The following SMYD3 variants were observed in gnomAD, a reference collection of about 807,000 sequenced individuals.
SMYD3 encodes the protein SET and MYND domain containing 3.
In SMYD3, 36 loss-of-function variants were observed where a neutral mutation model predicts 57.7. That is an observed-to-expected ratio of 0.62 (90% CI 0.48 to 0.82). The LOEUF is 0.82. Among genes scored for constraint, SMYD3 ranks in the 40% least tolerant of loss-of-function variants. The pLI is 0.00. For missense variants in SMYD3, 515 were observed against 538.8 expected (o/e 0.96, Z 0.44); for synonymous variants, 211 against 195.0 (o/e 1.08, Z -0.68).
At position 246,471,252 on chromosome 1, in the gene SMYD3, G is replaced by A. The variant is rs535923221; in HGVS notation, c.164+35802C>T. 5.3e-5 allele frequency among the ~76,000 whole-genome samples: 8 copies of A among 152,168 alleles called. No individual in the cohort carries two copies. The East Asian group carries it at 1.5e-3, about 29-fold the overall frequency. On this transcript the variant is annotated intron_variant, in intron 1 of 11. Coordinates refer to ENST00000490107, the MANE Select transcript of SMYD3 (RefSeq NM_001167740.2). ...GTCTTGCTGTCCCCCAGGCTGAAGT[G>A]CGGCTGTATGATCATGGCTCACTGC...
At chr1:246,483,624 T>C (rs2068142739) in intron 1 of SMYD3, 1 of 152,232 alleles carries the variant, frequency 6.6e-6, no homozygotes, top group African/African-American at 2.4e-5. Context: ...GGGAAGGCTG[T>C]ATAATTATGT....
At chr1:246,449,953 G>T (rs2103028087) in intron 1 of SMYD3, among the ~76,000 whole-genome samples, 1 of 152,258 alleles carries the variant, frequency 6.6e-6, no homozygotes, top group South Asian at 2.1e-4. Flanking sequence ...ATACCGTTTT[G>T]ACTACTGTGA....
chr1:246,289,389 T>C lies in SMYD3; in HGVS notation c.531+37812A>G, dbSNP rs138649410. Among the ~76,000 whole-genome samples the C allele has an allele frequency of 6.5e-3, 985 of 152,346 alleles. 9 individuals carry two copies. The highest frequency in any genetic ancestry group is 0.021 in the African/African-American group (893 of 41,578). Reference sequence around the variant, plus strand: ...CTCTAAAAACTGTGGTTTTAGTGCATGCAGAACGTCACCAGTTTTGTCTCC... The same window carrying C: ...CTCTAAAAACTGTGGTTTTAGTGCACGCAGAACGTCACCAGTTTTGTCTCC... On this transcript the variant is annotated intron_variant, in intron 5 of 11. Coordinates refer to ENST00000490107, the MANE Select transcript of SMYD3 (RefSeq NM_001167740.2).
chr1:246,232,255 C>T (rs1366757076), intron 5 of SMYD3, among the ~76,000 whole-genome samples: 1 of 152,078 alleles, frequency 6.6e-6, no homozygotes, highest in East Asian at 1.9e-4. Flanking sequence ...AAGGCGACAC[C>T]AGGAGAATTA....
In SMYD3 at chr1:246,352,271, C is replaced by G. The variant is rs1424536429; in HGVS notation, c.228+2760G>C. 2.0e-5 allele frequency among the ~76,000 whole-genome samples: 3 copies of G among 152,100 alleles called. No homozygotes were observed. The East Asian group carries it at 5.8e-4, about 29-fold the overall frequency. On this transcript the variant is annotated intron_variant, in intron 2 of 11. Coordinates refer to ENST00000490107, the MANE Select transcript of SMYD3 (RefSeq NM_001167740.2). ...TAGCCTCTCTCAGACAACTTGATGCCATGGTCCCACACATCAAATGCTAAG... is the reference window on the plus strand; with the variant it reads ...TAGCCTCTCTCAGACAACTTGATGCGATGGTCCCACACATCAAATGCTAAG...
intron 5 of SMYD3, among the ~76,000 whole-genome samples, chr1:246,285,935 G>A (rs1362857470): frequency 2.0e-5 from 3 of 152,090 alleles, no homozygotes; most frequent in African/African-American, 7.2e-5. Flanking sequence ...AAATCACAAT[G>A]CAATACCACC....
intron 10 of SMYD3, among the ~76,000 whole-genome samples, chr1:245,765,907 C>A (rs1176685030): frequency 6.6e-6 from 1 of 152,112 alleles, no homozygotes; most frequent in Non-Finnish European, 1.5e-5. Context: ...AGTGATGAGG[C>A]GGATTTACCA....
chr1:245,927,490 T>C (rs1233441629), intron 7 of SMYD3, among the ~76,000 whole-genome samples: 2 of 152,226 alleles, frequency 1.3e-5, no homozygotes. Context: ...ACATGCATCA[T>C]TACCTTCAAT....
At chr1:245,977,616 T>C (rs917039617) in intron 5 of SMYD3, among the ~76,000 whole-genome samples, 6 of 152,036 alleles carry the variant, frequency 3.9e-5, no homozygotes, top group African/African-American at 1.5e-4. Context: ...GAGGTGGAGG[T>C]TGCAGTGAGC....
At chr1:246,506,830 G>A (rs1190635906) in intron 1 of SMYD3, among the ~76,000 whole-genome samples, 1 of 32,018 alleles carries the variant, frequency 3.1e-5, no homozygotes, top group East Asian at 1.0e-3. Context: ...GGCTGAGCCT[G>A]GGCCCCCTCC....
intron 10 of SMYD3, among the ~76,000 whole-genome samples, chr1:245,785,691 G>C (rs1364986728): frequency 6.6e-6 from 1 of 150,546 alleles, no homozygotes; most frequent in Non-Finnish European, 1.5e-5. Context: ...GCGAGCAAGA[G>C]AGAGAGCAAG....
At chr1:246,083,591 CCAA>C (rs1274822990) in intron 5 of SMYD3, among the ~76,000 whole-genome samples, 1 of 152,130 alleles carries the variant, frequency 6.6e-6, no homozygotes, top group African/African-American at 2.4e-5. Flanking sequence ...CTCGTTCCAC[CCAA>C]CAAGAAACGC....
chr1:246,411,597 T>C (rs2066970120), intron 1 of SMYD3, among the ~76,000 whole-genome samples: 1 of 151,998 alleles, frequency 6.6e-6, no homozygotes, highest in Non-Finnish European at 1.5e-5. Flanking sequence ...AATGATAGAC[T>C]GGATTAAGAA....
chr1:246,253,449 T>C (rs1352208675), intron 5 of SMYD3, among the ~76,000 whole-genome samples: 1 of 152,230 alleles, frequency 6.6e-6, no homozygotes. Flanking sequence ...GGACATGATT[T>C]TGTTCTTTCT....
chr1:246,171,806 T>A (rs1367604451), intron 5 of SMYD3, among the ~76,000 whole-genome samples: 3 of 151,996 alleles, frequency 2.0e-5, no homozygotes, highest in African/African-American at 7.2e-5. Flanking sequence ...AGGCCGGGAG[T>A]TTGAGACCAG....
intron 1 of SMYD3, among the ~76,000 whole-genome samples, chr1:246,498,783 A>G (rs1447588454): frequency 1.3e-5 from 2 of 151,854 alleles, no homozygotes; most frequent in Non-Finnish European, 2.9e-5. Context: ...CTTAAAAAGA[A>G]AAAATATAAG....
intron 5 of SMYD3, among the ~76,000 whole-genome samples, chr1:245,941,408 G>A (rs145051624): frequency 3.0e-4 from 45 of 152,164 alleles, no homozygotes; most frequent in African/African-American, 9.6e-4. Context: ...TGTTAAGGGC[G>A]GCCAGAGAGA....
intron 5 of SMYD3, among the ~76,000 whole-genome samples, chr1:246,210,637 G>T (rs2063070545): frequency 6.6e-6 from 1 of 151,836 alleles, no homozygotes; most frequent in Admixed American, 6.6e-5. Context: ...TTGAACCCGG[G>T]AAGCGGAGGT....
intron 5 of SMYD3, among the ~76,000 whole-genome samples, chr1:246,045,611 A>G (rs2059949918): frequency 6.6e-6 from 1 of 152,178 alleles, no homozygotes; most frequent in Non-Finnish European, 1.5e-5. Flanking sequence ...CAATGGCAAC[A>G]AAAGCCAAAA....
Sources: allele counts gnomAD v4.1 joint callset (sites outside exome capture counted in the v4.1 genomes callset), GRCh38; gene constraint gnomAD v4.1.1; transcripts MANE v1.5; gene names NCBI Gene and HGNC (gene_info 2026-07-23, HGNC 2026-07-21).